Variants in NKD1 observed in about 807,000 individuals in gnomAD.
The protein encoded by NKD1 is NKD inhibitor of Wnt signaling pathway 1.
In NKD1, 21 loss-of-function variants were observed where a neutral mutation model predicts 56.0. The ratio of observed to expected loss-of-function variants is 0.38; its 90% CI spans 0.27 to 0.54. The LOEUF is 0.54. Among genes scored for constraint, NKD1 ranks in the 20% least tolerant of loss-of-function variants. The probability of loss-of-function intolerance (pLI) is 0.82; values close to 1 mark genes in which losing one functional copy is unlikely to be tolerated. For missense variants in NKD1, 578 were observed against 642.7 expected (o/e 0.90, Z 1.09); for synonymous variants, 263 against 265.7 (o/e 0.99, Z 0.10).
At chr16:50,549,368 T>C in intron 2 of NKD1, 54 bp from the exon 3 acceptor site, 4 of 1,579,184 alleles carry the variant, frequency 2.5e-6, no homozygotes, top group African/African-American at 1.4e-5. Flanking sequence ...TCCGCGGGGG[T>C]AACTTTTGGC....
chr16:50,570,986 G>T (rs986317076), intron 3 of NKD1: 1 of 985,296 alleles, frequency 1.0e-6, no homozygotes, highest in African/African-American at 1.7e-5. Flanking sequence ...TCCTTCACTG[G>T]GCTCATGGCG....
intron 3 of NKD1, among the ~76,000 whole-genome samples, chr16:50,601,287 G>A (rs901793282): frequency 6.6e-6 from 1 of 152,144 alleles, no homozygotes; most frequent in African/African-American, 2.4e-5. Context: ...AGCTGTGGGA[G>A]TCAGAGCTTT....
At chr16:50,583,387 A>T (rs907078525) in intron 3 of NKD1, among the ~76,000 whole-genome samples, 11 of 152,114 alleles carry the variant, frequency 7.2e-5, no homozygotes, top group African/African-American at 2.7e-4. Context: ...CAATGTCCCA[A>T]TTAGTGTCCC....
chr16:50,555,180 A>C (rs763054763), intron 3 of NKD1, among the ~76,000 whole-genome samples: 5 of 152,140 alleles, frequency 3.3e-5, no homozygotes, highest in Non-Finnish European at 7.3e-5. Flanking sequence ...CCCCAGGCTC[A>C]AGCTGCCCTG....
chr16:50,630,932 G>A (rs1366475918), intron 8 of NKD1, 22 bp downstream of exon 8: 1 of 1,545,924 alleles, frequency 6.5e-7, no homozygotes, highest in Non-Finnish European at 8.8e-7. Context: ...TGGTGCACAT[G>A]AGCATATGTT....
intron 3 of NKD1, among the ~76,000 whole-genome samples, chr16:50,564,548 A>C (rs1212815090): frequency 2.0e-5 from 3 of 152,228 alleles, no homozygotes; most frequent in Non-Finnish European, 4.4e-5. Flanking sequence ...TCCACAGGTC[A>C]GGTTCTTTGT....
chr16:50,557,986 G>T (rs967767534), intron 3 of NKD1: 1 of 152,238 alleles, frequency 6.6e-6, no homozygotes, highest in Non-Finnish European at 1.5e-5. Context: ...TCTGAGAGGG[G>T]TGGGAACCGG....
At chr16:50,615,906 G>A (rs745855636) in intron 4 of NKD1, 36 of 372,894 alleles carry the variant, frequency 9.7e-5, no homozygotes, top group Non-Finnish European at 1.9e-4. Context: ...TCCCTAAGGA[G>A]AGCCTGATAC....
At chr16:50,616,234 T>C (rs1368136556) in intron 4 of NKD1, 2 of 345,312 alleles carry the variant, frequency 5.8e-6, no homozygotes, top group Non-Finnish European at 1.2e-5. Context: ...TGAGAAGAAC[T>C]TGCCAGGTAA....
chr16:50,550,818 A>G (rs1179556126), intron 3 of NKD1, among the ~76,000 whole-genome samples: 1 of 152,230 alleles, frequency 6.6e-6, no homozygotes, highest in East Asian at 1.9e-4. Flanking sequence ...ATTTAGCCGT[A>G]TGAACAAATG....
chr16:50,631,407 AAG>A (rs1482887690), intron 8 of NKD1, among the ~76,000 whole-genome samples: 5 of 152,222 alleles, frequency 3.3e-5, no homozygotes, highest in South Asian at 4.1e-4. Flanking sequence ...GAGGAAAGGA[AAG>A]AGAGATTGTT....
intron 3 of NKD1, among the ~76,000 whole-genome samples, chr16:50,603,467 C>T (rs1961642194): frequency 6.6e-6 from 1 of 152,208 alleles, no homozygotes; most frequent in Non-Finnish European, 1.5e-5. Context: ...ACAGGGTGGC[C>T]TAGGCCCTGC....
Position 50,633,843 on chromosome 16 carries a change from T to C in NKD1, c.*62T>C. On this transcript the variant is annotated 3_prime_UTR_variant, in exon 10 of 10. Coordinates refer to ENST00000268459, the MANE Select transcript of NKD1 (RefSeq NM_033119.5). This position sits in a 1 kb window ranked among gnomAD's most constrained non-coding sequence, Gnocchi z 4.9. ...ACCCCACCCCCGACACCACAAGGCA[T>C]TATTATTCTATTAATTATTGTTATT... is the stretch of plus-strand genomic sequence containing the variant. 1 of 729,688 alleles carries C rather than the reference T, an allele frequency of 1.4e-6. No individual in the cohort carries two copies. Among genetic ancestry groups the C allele is most frequent in the Non-Finnish European group, 2.2e-6 (1 of 459,364 alleles). 45.2% of individuals were successfully genotyped at this position (729,688 alleles called of 1,614,324 possible). A position where few individuals can be genotyped will look rare whatever the true frequency, so the allele number is the denominator to read the frequency against.
intron 4 of NKD1, among the ~76,000 whole-genome samples, chr16:50,619,924 G>A (rs1330958610): frequency 6.6e-6 from 1 of 152,222 alleles, no homozygotes; most frequent in Non-Finnish European, 1.5e-5. Flanking sequence ...AGCCATGAAA[G>A]GCATGGAGGG....
In NKD1 at chr16:50,560,864, A is replaced by AT. The variant is rs71138084; in HGVS notation, c.192+11309_192+11310insT. Among the ~76,000 whole-genome samples the AT allele has an allele frequency of 9.2e-5, 14 of 151,622 alleles. No individual in the cohort carries two copies. The South Asian group carries it at 2.9e-3, about 32-fold the overall frequency. On this transcript the variant is annotated intron_variant, in intron 3 of 9. Transcript: ENST00000268459. ...TATCTATCTATCTATCTATCTATCT[A>AT]CAGCAGAGGCATATTGTAAAATATA...
At chr16:50,585,697 C>T (rs1961213967) in intron 3 of NKD1, among the ~76,000 whole-genome samples, 1 of 152,228 alleles carries the variant, frequency 6.6e-6, no homozygotes, top group African/African-American at 2.4e-5. Context: ...CTCTGTACCT[C>T]CTCCTCCTGG....
intron 4 of NKD1, among the ~76,000 whole-genome samples, chr16:50,617,498 G>A (rs984180226): frequency 1.3e-5 from 2 of 152,200 alleles, no homozygotes; most frequent in South Asian, 2.1e-4. Context: ...AAAGGGAGCC[G>A]GGTGAAGATG....
intron 3 of NKD1, among the ~76,000 whole-genome samples, chr16:50,602,657 A>G (rs752446810): frequency 6.6e-6 from 1 of 152,036 alleles, no homozygotes; most frequent in Non-Finnish European, 1.5e-5. Flanking sequence ...CGTCTTCCGC[A>G]TGTTCACCCA....
chr16:50,610,462 G>A lies in NKD1; in HGVS notation c.259+2102G>A, dbSNP rs115705884. 2.7e-3 allele frequency among the ~76,000 whole-genome samples: 411 copies of A among 152,286 alleles called. 4 individuals are homozygous for A. The highest frequency in any genetic ancestry group is 9.1e-3 in the African/African-American group (379 of 41,554). ...GATATGGTGTGGATGGTAGGCCACC[G>A]CGTGGCCAGGTCTGGTGAGAGCAGG... On this transcript the variant is annotated intron_variant, in intron 4 of 9. Transcript: ENST00000268459.
Sources: allele counts gnomAD v4.1 joint callset (sites outside exome capture counted in the v4.1 genomes callset), GRCh38; gene constraint gnomAD v4.1.1; non-coding constraint Gnocchi (gnomAD v3.1); transcripts MANE v1.5; gene names NCBI Gene and HGNC (gene_info 2026-07-23, HGNC 2026-07-21).